The following CCDC93 variants were observed in gnomAD, a reference collection of about 807,000 sequenced individuals.
CCDC93 encodes coiled-coil domain-containing protein 93.
In CCDC93, 61 loss-of-function variants were observed where a neutral mutation model predicts 108.2. The ratio of observed to expected loss-of-function variants is 0.56; its 90% CI spans 0.46 to 0.70. CCDC93 has a LOEUF of 0.70. CCDC93 is among the 30% of genes least tolerant of loss of function. The pLI is 0.00. For missense variants in CCDC93, 685 were observed against 764.2 expected, an observed-to-expected ratio of 0.90 and a Z score of 1.22; for synonymous variants, 276 against 260.4, an observed-to-expected ratio of 1.06 and a Z score of -0.58.
At chr2:117,971,810 C>T (rs2422162) in intron 11 of CCDC93, among the ~76,000 whole-genome samples, 148,136 of 152,314 alleles carry the variant, frequency 0.97, 72,176 homozygotes, top group Middle Eastern at 1. Context: ...ACAAGCACTG[C>T]AAAATAATAT....
chr2:117,938,800 C>T (rs981915172), intron 20 of CCDC93, among the ~76,000 whole-genome samples: 6 of 152,178 alleles, frequency 3.9e-5, no homozygotes, highest in Admixed American at 2.0e-4. Context: ...GGCATTTCCC[C>T]CACAGCACTC....
At position 117,946,825 on chromosome 2, in the gene CCDC93, G is replaced by A. The variant is rs765211376; in HGVS notation, c.1282C>T (p.Arg428Cys). ...IENLKAERAP[R>C]GDEKTLSSGE... ...AGAGCCTTTACCTTTTCATCTCCAC[G>A]TGGTGCTCTCTCAGCTTTCAGGTTT... The change falls in exon 16 of 24, where the codon CGT (arginine) becomes TGT (cysteine). Residue 428 changes from arginine to cysteine, a missense_variant. Coordinates refer to ENST00000376300, the MANE Select transcript of CCDC93 (RefSeq NM_019044.5). 9 of 1,611,890 alleles carry A rather than the reference G, an allele frequency of 5.6e-6. No homozygotes were observed. Among genetic ancestry groups the A allele is most frequent in the African/African-American group, 2.7e-5 (2 of 74,866 alleles).
At chr2:117,932,171 G>A (rs1039985420) in intron 22 of CCDC93, among the ~76,000 whole-genome samples, 1 of 152,162 alleles carries the variant, frequency 6.6e-6, no homozygotes, top group African/African-American at 2.4e-5. Flanking sequence ...TAAACCCAGA[G>A]AATCAGCCAG....
chr2:117,958,547 C>T (rs1201423850), intron 11 of CCDC93, 66 bp from the exon 12 acceptor site: 3 of 966,036 alleles, frequency 3.1e-6, no homozygotes, highest in Admixed American at 3.4e-5. Flanking sequence ...TGTAATCAAG[C>T]CCTGTTCAAT....
intron 6 of CCDC93, among the ~76,000 whole-genome samples, chr2:117,987,054 G>C (rs1443671245): frequency 6.9e-6 from 1 of 143,940 alleles, no homozygotes; most frequent in Non-Finnish European, 1.5e-5. Context: ...AAAAAAAAAA[G>C]GATTGACTCC....
intron 7 of CCDC93, among the ~76,000 whole-genome samples, chr2:117,983,948 A>C (rs1375294578): frequency 6.6e-6 from 1 of 152,186 alleles, no homozygotes; most frequent in Non-Finnish European, 1.5e-5. Flanking sequence ...TGAAGGCTCA[A>C]ACAGTATTTG....
chr2:117,991,418 G>A (rs146530821), intron 6 of CCDC93, among the ~76,000 whole-genome samples: 292 of 152,328 alleles, frequency 1.9e-3, no homozygotes, highest in Middle Eastern at 0.01. Flanking sequence ...CTAGGAATAT[G>A]TGGGAAAGCA....
intron 1 of CCDC93, chr2:118,012,743 TG>T: frequency 6.6e-6 from 1 of 152,338 alleles, no homozygotes; most frequent in Non-Finnish European, 1.5e-5. Context: ...ACATTATGCT[TG>T]TCAGGTTTTC....
At chr2:117,941,481 C>G (rs975727222) in intron 18 of CCDC93, among the ~76,000 whole-genome samples, 184 bp from the exon 19 acceptor site, 2 of 152,060 alleles carry the variant, frequency 1.3e-5, no homozygotes, top group Admixed American at 6.5e-5. Context: ...TCCCGCTTTC[C>G]TAGGAGTGGG....
Position 117,952,368 on chromosome 2 carries a change from C to A in CCDC93, c.1068+5G>T. On this transcript the variant is annotated splice_donor_5th_base_variant and intron_variant, in intron 13 of 23. Coordinates refer to ENST00000376300, the MANE Select transcript of CCDC93 (RefSeq NM_019044.5). ...CCACAGAAGAAGGAGAATCTATCTG[C>A]TCACCTCTGTCAGCGTTTTCTTGGC... The A allele has an allele frequency of 6.2e-7, 1 of 1,600,084 alleles. No homozygotes were observed. The highest frequency in any genetic ancestry group is 8.6e-7 in the Non-Finnish European group (1 of 1,167,126).
intron 13 of CCDC93, chr2:117,951,531 A>T: frequency 1.0e-6 from 1 of 997,104 alleles, no homozygotes; most frequent in Non-Finnish European, 1.2e-6. Flanking sequence ...ATTCTAGAAA[A>T]GTAGGGATAC....
In CCDC93 at chr2:117,989,489, G is replaced by C. The variant is rs558636456; in HGVS notation, c.520-3420C>G. On this transcript the variant is annotated intron_variant, in intron 6 of 23. Transcript: ENST00000376300. ...ACCTTGCAGTCAGGTCGTTCTTCTTGATCAGTCCTCAAACTCCTCACTAGC... is the reference window on the plus strand; with the variant it reads ...ACCTTGCAGTCAGGTCGTTCTTCTTCATCAGTCCTCAAACTCCTCACTAGC... Among the ~76,000 whole-genome samples the C allele has an allele frequency of 9.2e-5, 14 of 152,268 alleles. 2 individuals are homozygous for C. In the South Asian group the frequency reaches 2.9e-3, roughly 32 times the overall value.
intron 20 of CCDC93, among the ~76,000 whole-genome samples, chr2:117,937,692 C>T (rs1328247672): frequency 6.6e-6 from 1 of 152,164 alleles, no homozygotes; most frequent in East Asian, 1.9e-4. Context: ...TGGCCTATCC[C>T]TAAGTCAGGG....
intron 6 of CCDC93, 43 bp from the exon 7 acceptor site, chr2:117,986,112 C>A: frequency 8.4e-7 from 1 of 1,195,582 alleles, no homozygotes; most frequent in Non-Finnish European, 1.2e-6. Flanking sequence ...TGAGAAGGCT[C>A]TCCTCCTGAA....
chr2:117,958,213 GA>G (rs1249109668), intron 12 of CCDC93, 151 bp downstream of exon 12: 1 of 587,634 alleles, frequency 1.7e-6, no homozygotes, highest in Admixed American at 3.1e-5. Context: ...TAAACAAATG[GA>G]TGTGTTATGT....
At position 117,985,982 on chromosome 2, in the gene CCDC93, A is replaced by G. The variant is rs778000234; in HGVS notation, c.607T>C (p.Leu203=). 6.2e-7 allele frequency: 1 copy of G among 1,609,772 alleles called. No individual in the cohort carries two copies. The highest frequency in any genetic ancestry group is 1.1e-5 in the South Asian group (1 of 90,908). The part of the protein sequence containing the change: ...DEESRIHATL[L]EYGRRYGFSR... ...CCCACTCATTACCTGCCATATTCCAAAAGTGTAGCATGGATTCGAGATTCT... is the reference window on the plus strand; with the variant it reads ...CCCACTCATTACCTGCCATATTCCAGAAGTGTAGCATGGATTCGAGATTCT... The change falls in exon 7 of 24, where the codon TTG becomes CTG. Residue 203 remains leucine, a synonymous_variant. Transcript: ENST00000376300.
In CCDC93 at chr2:117,949,384, G is replaced by A. The variant is rs1678978195; in HGVS notation, c.1080C>T (p.Tyr360=). ...AKKTLTELKT[Y]SEKLDKEQAA... ...CTTGCTCTTTGTCCAGTTTCTCACT[G>A]TAAGTCTTCAGCTGCAAGAGAGAAT... Residue 360 remains tyrosine, a synonymous_variant, in exon 14 of 24, where the codon TAC becomes TAT. Transcript: ENST00000376300. 3.1e-6 allele frequency: 5 copies of A among 1,612,634 alleles called. No individual in the cohort carries two copies. Among genetic ancestry groups the A allele is most frequent in the Non-Finnish European group, 4.2e-6 (5 of 1,178,654 alleles).
chr2:117,981,574 G>C (rs1430547380), intron 7 of CCDC93, among the ~76,000 whole-genome samples: 2 of 152,094 alleles, frequency 1.3e-5, no homozygotes, highest in Non-Finnish European at 2.9e-5. Flanking sequence ...TTAGTCATAG[G>C]ACCCAGTCTT....
intron 23 of CCDC93, among the ~76,000 whole-genome samples, chr2:117,928,099 C>T (rs1463375347): frequency 2.0e-5 from 3 of 152,114 alleles, no homozygotes; most frequent in African/African-American, 7.2e-5. Flanking sequence ...ACACCTTATA[C>T]AAAAATTAAT....
Sources: gnomAD v4.1 joint callset for allele counts (sites outside exome capture counted in the v4.1 genomes callset) on GRCh38, gnomAD v4.1.1 for gene constraint, MANE v1.5 for transcripts, NCBI Gene and HGNC (gene_info 2026-07-23, HGNC 2026-07-21) for gene names.